The following TGM3 variants were observed in gnomAD, a reference collection of about 807,000 sequenced individuals.
The protein encoded by TGM3 is transglutaminase 3.
In TGM3, 52 loss-of-function variants were observed where a neutral mutation model predicts 73.8. The observed-to-expected ratio is 0.70, with a 90% CI of 0.56 to 0.89. The LOEUF (loss-of-function observed/expected upper bound fraction) is 0.89. Ranked by LOEUF, TGM3 falls within the 40% of genes least tolerant of loss-of-function variation. The pLI is 0.00. For synonymous variants in TGM3, 372 were observed against 354.9 expected (o/e 1.05, Z -0.54); for missense variants, 928 against 909.9 (o/e 1.02, Z -0.26).
intron 12 of TGM3, among the ~76,000 whole-genome samples, chr20:2,340,231 A>G (rs1233035510): frequency 6.6e-6 from 1 of 152,102 alleles, no homozygotes; most frequent in African/African-American, 2.4e-5. Context: ...TTGGGAGATC[A>G]TGGGACCCCC....
rs1319772082 is a variant in TGM3, at chr20:2,320,017, T to C, written c.983+2532T>C. Among the ~76,000 whole-genome samples, 5 of 152,242 alleles carry C rather than the reference T, an allele frequency of 3.3e-5. No homozygotes were observed. In the South Asian group the frequency reaches 6.2e-4, roughly 19 times the overall value. On this transcript the variant is annotated intron_variant, in intron 7 of 12. Transcript: ENST00000381458. ...CCCACTCCACTTTCTATAAGGGAGCTAGCCCTCCCAAGGGAGCCCTGCTGT... is the reference window on the plus strand; with the variant it reads ...CCCACTCCACTTTCTATAAGGGAGCCAGCCCTCCCAAGGGAGCCCTGCTGT...
rs1197770722 is a variant in TGM3 at position 2,340,743 on chromosome 20, T to A, written c.*162T>A. The A allele has an allele frequency of 1.3e-5, 12 of 934,822 alleles. No individual in the cohort carries two copies. Among genetic ancestry groups the A allele is most frequent in the East Asian group, 2.7e-5 (1 of 37,640 alleles). The allele number at this position is 934,822 out of a possible 1,614,324, so 57.9% of individuals were successfully genotyped here. ...GGCTCCAGCACATCCCCCTCTCCTC[T>A]CCCCCAGGTTGGGGCTGGGTCCACC... is the stretch of plus-strand genomic sequence containing the variant. On this transcript the variant is annotated 3_prime_UTR_variant, in exon 13 of 13. Transcript: ENST00000381458.
chr20:2,316,826 C>A (rs1214305836), intron 5 of TGM3, among the ~76,000 whole-genome samples: 1 of 152,068 alleles, frequency 6.6e-6, no homozygotes, highest in Non-Finnish European at 1.5e-5. Context: ...ACGTATGGAT[C>A]AAGGACAATC....
At chr20:2,305,837 G>A (rs548874287) in intron 1 of TGM3, among the ~76,000 whole-genome samples, 10 of 152,328 alleles carry the variant, frequency 6.6e-5, no homozygotes, top group South Asian at 2.1e-4. Flanking sequence ...AAAACAGGAC[G>A]TCTACAAGTG....
rs539884508 is a variant in TGM3, at chr20:2,328,248, A to G, written c.1216A>G (p.Thr406Ala). The change falls in exon 9 of 13, where the codon ACT (threonine) becomes GCT (alanine). Residue 406 changes from threonine to alanine, a missense_variant. Coordinates refer to ENST00000381458, the MANE Select transcript of TGM3 (RefSeq NM_003245.4). The surrounding 1 kb of genome is among the most constrained non-coding windows in gnomAD (Gnocchi z 5.2). ...DRITWLYDNT[T>A]GKQWKNSVNS... The stretch of plus-strand genomic sequence containing the variant: ...CATCACCTGGCTGTACGACAACACC[A>G]CTGGCAAACAGTGGAAGAATTCCGT... 310 of 1,614,194 alleles carry G rather than the reference A, an allele frequency of 1.9e-4. 9 individuals carry two copies. In the South Asian group the frequency reaches 3.4e-3, roughly 17 times the overall value.
At chr20:2,299,280 G>A (rs1285671500) in intron 1 of TGM3, among the ~76,000 whole-genome samples, 5 of 152,108 alleles carry the variant, frequency 3.3e-5, no homozygotes, top group Non-Finnish European at 7.4e-5. Context: ...AAAACCCTAT[G>A]AGAGGAATTA....
At chr20:2,324,463 T>A (rs911548478) in intron 7 of TGM3, among the ~76,000 whole-genome samples, 1 of 152,206 alleles carries the variant, frequency 6.6e-6, no homozygotes, top group African/African-American at 2.4e-5. Context: ...GCTGGATGTG[T>A]CTGAATTCTG....
intron 5 of TGM3, among the ~76,000 whole-genome samples, chr20:2,313,502 A>G (rs143696828): frequency 4.1e-4 from 63 of 152,264 alleles, no homozygotes; most frequent in Non-Finnish European, 7.8e-4. Flanking sequence ...TGCCTCATTC[A>G]TGGTCTAGAT....
intron 1 of TGM3, among the ~76,000 whole-genome samples, chr20:2,297,890 C>T (rs1189408325): frequency 6.6e-6 from 1 of 152,048 alleles, no homozygotes; most frequent in Admixed American, 6.5e-5. Flanking sequence ...TTTTTTGGTA[C>T]CACCGGTTTT....
Position 2,340,490 on chromosome 20 carries a change from C to A in TGM3, c.1991C>A (p.Ser664Tyr), listed in dbSNP as rs867109761. ...GSRVRFDILP[S>Y]RSGTKQLLAD... ...CGGGTCCGTTTTGATATCCTGCCCT[C>A]CCGGAGTGGCACCAAGCAACTGCTC... Residue 664 changes from serine to tyrosine, a missense_variant, in exon 13 of 13, where the codon TCC (serine) becomes TAC (tyrosine). Transcript: ENST00000381458. 1 of 1,614,168 alleles carries A rather than the reference C, an allele frequency of 6.2e-7. No homozygotes were observed. The highest frequency in any genetic ancestry group is 1.3e-5 in the African/African-American group (1 of 75,042).
intron 12 of TGM3, 89 bp downstream of exon 12, chr20:2,340,076 C>T: frequency 2.0e-6 from 3 of 1,475,048 alleles, no homozygotes; most frequent in Admixed American, 2.0e-5. Context: ...GACAGAGCTC[C>T]CTCTGACCTT....
rs6113756 is a variant in TGM3 at position 2,337,669 on chromosome 20, G to A, written c.1801-2185G>A. Reference sequence around the variant, plus strand: ...CGAGAGGCAGCGGTTGCAGTGAGCCGAGATCACACCACTGCACTCCAGCCT... The same window carrying A: ...CGAGAGGCAGCGGTTGCAGTGAGCCAAGATCACACCACTGCACTCCAGCCT... On this transcript the variant is annotated intron_variant, in intron 11 of 12. Coordinates refer to ENST00000381458, the MANE Select transcript of TGM3 (RefSeq NM_003245.4). Among the ~76,000 whole-genome samples, 234 of 135,236 alleles carry A rather than the reference G, an allele frequency of 1.7e-3. 2 individuals are homozygous for A. The highest frequency in any genetic ancestry group is 6.5e-3 in the African/African-American group (226 of 35,020). 88.7% of individuals were successfully genotyped at this position (135,236 alleles called of 152,430 possible).
At position 2,310,433 on chromosome 20, in the gene TGM3, C is replaced by T. The variant is rs1174525887; in HGVS notation, c.421+16C>T. ...TGGCTGAATGGTAGGTGTCTAGCCACCCACACTCTCAGCCCTGGCCTAAGC... is the reference window on the plus strand; with the variant it reads ...TGGCTGAATGGTAGGTGTCTAGCCATCCACACTCTCAGCCCTGGCCTAAGC... On this transcript the variant is annotated intron_variant, in intron 3 of 12. Transcript: ENST00000381458. 6.2e-7 allele frequency: 1 copy of T among 1,613,518 alleles called. No homozygotes were observed. The highest frequency in any genetic ancestry group is 8.5e-7 in the Non-Finnish European group (1 of 1,179,526).
At chr20:2,302,406 G>A (rs2084153143) in intron 1 of TGM3, among the ~76,000 whole-genome samples, 1 of 152,070 alleles carries the variant, frequency 6.6e-6, no homozygotes, top group Non-Finnish European at 1.5e-5. Flanking sequence ...ATTATGTTTG[G>A]CTGTGATTAA....
At position 2,332,017 on chromosome 20, in the gene TGM3, G is replaced by T. The variant is rs750048317; in HGVS notation, c.1349G>T (p.Arg450Ile). 3 of 1,607,892 alleles carry T rather than the reference G, an allele frequency of 1.9e-6. No individual in the cohort carries two copies. The highest frequency in any genetic ancestry group is 2.5e-6 in the Non-Finnish European group (3 of 1,176,520). Residue 450 changes from arginine (R) to isoleucine (I), a missense_variant, in exon 10 of 13, where the codon AGA becomes ATA. By Grantham distance (97) the Arg-to-Ile change is moderately conservative. Transcript: ENST00000381458. This position sits in a 1 kb window ranked among gnomAD's most constrained non-coding sequence, Gnocchi z 4.4. Reference protein sequence around the residue: ...YKYPEGSDQERQVFQKALGKL... With the variant: ...YKYPEGSDQEIQVFQKALGKL... ...CACCACACAGGCTCTGACCAGGAAA[G>T]ACAAGTGTTCCAAAAGGCTTTGGGG...
At chr20:2,309,916 G>C in intron 2 of TGM3, 86 bp downstream of exon 2, 4 of 1,550,760 alleles carry the variant, frequency 2.6e-6, no homozygotes, top group East Asian at 2.3e-5. Flanking sequence ...ACCACACTGG[G>C]GCCACTGGCA....
chr20:2,318,570 T>C (rs1398379423), intron 7 of TGM3, among the ~76,000 whole-genome samples: 1 of 152,240 alleles, frequency 6.6e-6, no homozygotes, highest in African/African-American at 2.4e-5. Context: ...CAATGATGTC[T>C]ATATCTGTAG....
chr20:2,297,312 C>T (rs2122200395), intron 1 of TGM3, among the ~76,000 whole-genome samples: 1 of 152,366 alleles, frequency 6.6e-6, no homozygotes, highest in East Asian at 1.9e-4. Context: ...AAAAGCAATT[C>T]TGAACCTGGC....
At chr20:2,298,294 C>T (rs773173898) in intron 1 of TGM3, among the ~76,000 whole-genome samples, 5 of 152,130 alleles carry the variant, frequency 3.3e-5, no homozygotes, top group Non-Finnish European at 4.4e-5. Context: ...GGCAGTGATC[C>T]GCACCAAGTG....
Sources: allele counts gnomAD v4.1 joint callset (sites outside exome capture counted in the v4.1 genomes callset), GRCh38; gene constraint gnomAD v4.1.1; non-coding constraint Gnocchi (gnomAD v3.1); transcripts MANE v1.5; gene names NCBI Gene and HGNC (gene_info 2026-07-23, HGNC 2026-07-21).